PTPRT: variants seen among roughly 807,000 people sequenced by gnomAD.
PTPRT encodes protein tyrosine phosphatase receptor type T, also known as receptor-type tyrosine-protein phosphatase T.
Under a neutral mutation model 176.8 loss-of-function variants are expected in PTPRT, and 56 were observed. That is an observed-to-expected ratio of 0.32 (90% CI 0.26 to 0.40). PTPRT has a LOEUF of 0.40. Among genes scored for constraint, PTPRT ranks in the 10% least tolerant of loss-of-function variants. PTPRT has a pLI of 1.00. For synonymous variants in PTPRT, 783 were observed against 739.0 expected (o/e 1.06, Z -0.96); for missense variants, 1,540 against 1,908.2 (o/e 0.81, Z 3.60).
intron 27 of PTPRT, among the ~76,000 whole-genome samples, chr20:42,094,788 G>A (rs1985025196): frequency 6.6e-6 from 1 of 152,164 alleles, no homozygotes; most frequent in Non-Finnish European, 1.5e-5. Flanking sequence ...TACTTGGGAG[G>A]CTGAGGCAGG....
intron 15 of PTPRT, among the ~76,000 whole-genome samples, chr20:42,212,177 T>C (rs1163223786): frequency 7.2e-6 from 1 of 139,674 alleles, no homozygotes; most frequent in Non-Finnish European, 1.5e-5. Flanking sequence ...GGGATAGCAT[T>C]GGGAGATATA....
chr20:42,194,728 C>A (rs754042493), intron 16 of PTPRT, among the ~76,000 whole-genome samples: 1 of 152,156 alleles, frequency 6.6e-6, no homozygotes, highest in Admixed American at 6.5e-5. Flanking sequence ...AAACAATGCA[C>A]GTTGTTTGTC....
At chr20:42,055,657 G>C in the PTPRT span, among the ~76,000 whole-genome samples, 4 of 152,154 alleles carry the variant, frequency 2.6e-5, no homozygotes, top group Non-Finnish European at 5.9e-5. Flanking sequence ...TGTCTTCCCT[G>C]GGGAGATGGT....
chr20:42,931,726 C>T (rs1465093963), intron 1 of PTPRT, among the ~76,000 whole-genome samples: 1 of 152,192 alleles, frequency 6.6e-6, no homozygotes, highest in Non-Finnish European at 1.5e-5. Context: ...TGAGAGGACA[C>T]AGCGTAGGCG....
intron 6 of PTPRT, among the ~76,000 whole-genome samples, chr20:42,729,598 G>A (rs1444407141): frequency 1.3e-5 from 2 of 152,308 alleles, no homozygotes; most frequent in Non-Finnish European, 2.9e-5. Flanking sequence ...GAAAGGTGAG[G>A]CCATGGCTAT....
chr20:42,390,282 T>C (rs1041316672), intron 9 of PTPRT, among the ~76,000 whole-genome samples: 3 of 152,226 alleles, frequency 2.0e-5, no homozygotes, highest in Non-Finnish European at 4.4e-5. Flanking sequence ...ATTATGCTTA[T>C]GAAATTACAT....
chr20:42,036,478 T>C, the PTPRT span, among the ~76,000 whole-genome samples: 2 of 152,264 alleles, frequency 1.3e-5, no homozygotes, highest in East Asian at 3.9e-4. Context: ...TCCAGGCTGG[T>C]AAGTAGCAGA....
intron 3 of PTPRT, among the ~76,000 whole-genome samples, chr20:42,786,298 GCAGAAGGT>G (rs1219044173): frequency 1.3e-5 from 2 of 152,122 alleles, no homozygotes; most frequent in African/African-American, 2.4e-5. Flanking sequence ...AATTTCATCT[GCAGAAGGT>G]CCTATCATAC....
chr20:43,050,451 G>A lies in PTPRT; in HGVS notation c.88+139195C>T, dbSNP rs139160301. Among the ~76,000 whole-genome samples, 54 of 152,312 alleles carry A rather than the reference G, an allele frequency of 3.5e-4. No individual in the cohort carries two copies. In the East Asian group the frequency reaches 5.6e-3, roughly 16 times the overall value. Reference sequence around the variant, plus strand: ...AAGGCCACGGCCACCCAGGCAGGGCGTTCACAGGCCATCTACCACCAGCTC... The same window carrying A: ...AAGGCCACGGCCACCCAGGCAGGGCATTCACAGGCCATCTACCACCAGCTC... On this transcript the variant is annotated intron_variant, in intron 1 of 30. Coordinates refer to ENST00000373187, the MANE Select transcript of PTPRT (RefSeq NM_007050.6).
chr20:42,734,034 C>A (rs1238377553), intron 6 of PTPRT, among the ~76,000 whole-genome samples: 1 of 152,162 alleles, frequency 6.6e-6, no homozygotes, highest in Non-Finnish European at 1.5e-5. Flanking sequence ...ACCTAGGGGC[C>A]CTGAAACGCT....
intron 1 of PTPRT, among the ~76,000 whole-genome samples, chr20:43,141,941 C>T (rs968780192): frequency 1.2e-4 from 19 of 152,240 alleles, no homozygotes; most frequent in Middle Eastern, 3.4e-3. Context: ...GGTGAGCCTC[C>T]GAGCAGCTTT....
At chr20:43,108,723 G>A (rs904605347) in intron 1 of PTPRT, among the ~76,000 whole-genome samples, 1 of 152,198 alleles carries the variant, frequency 6.6e-6, no homozygotes, top group East Asian at 1.9e-4. Flanking sequence ...GGGATAGAGG[G>A]AGGATGTATT....
At chr20:42,492,089 T>A (rs1414152640) in intron 7 of PTPRT, among the ~76,000 whole-genome samples, 1 of 152,184 alleles carries the variant, frequency 6.6e-6, no homozygotes, top group African/African-American at 2.4e-5. Flanking sequence ...TATTCACTCA[T>A]TTAAGGACAT....
At chr20:43,054,529 G>C (rs1987160762) in intron 1 of PTPRT, among the ~76,000 whole-genome samples, 1 of 147,080 alleles carries the variant, frequency 6.8e-6, no homozygotes, top group African/African-American at 2.5e-5. Context: ...ACTTCAGTCT[G>C]TACAACAGAG....
chr20:42,522,524 G>A (rs6130154), intron 7 of PTPRT, among the ~76,000 whole-genome samples: 24,399 of 151,888 alleles, frequency 0.16, 1,999 homozygotes, highest in Middle Eastern at 0.19. Flanking sequence ...GCAGTGGTGC[G>A]AGTTCAGCTT....
chr20:42,441,605 G>A (rs79754749), intron 9 of PTPRT, among the ~76,000 whole-genome samples: 12 of 152,154 alleles, frequency 7.9e-5, no homozygotes, highest in African/African-American at 2.7e-4. Context: ...AGTGTGGAAG[G>A]GGGTGGGCAG....
rs150867313 is a variant in PTPRT at position 42,220,855 on chromosome 20, G to T, written c.2342+15374C>A. 5.4e-4 allele frequency among the ~76,000 whole-genome samples: 82 copies of T among 152,250 alleles called. No homozygotes were observed. In the East Asian group the frequency reaches 0.014, roughly 27 times the overall value. On this transcript the variant is annotated intron_variant, in intron 15 of 30. Transcript: ENST00000373187. ...AAAAACAATGAACGTGACCCCAACCGTATCCTCTCTTTAATCTTGGTCCTA... is the reference window on the plus strand; with the variant it reads ...AAAAACAATGAACGTGACCCCAACCTTATCCTCTCTTTAATCTTGGTCCTA...
intron 6 of PTPRT, among the ~76,000 whole-genome samples, chr20:42,681,777 C>T (rs1393134774): frequency 6.6e-6 from 1 of 152,088 alleles, no homozygotes; most frequent in African/African-American, 2.4e-5. Context: ...ATAGAGAGGC[C>T]CTGGGAGCCA....
chr20:42,612,908 G>T (rs534517450), intron 7 of PTPRT, among the ~76,000 whole-genome samples: 1 of 151,996 alleles, frequency 6.6e-6, no homozygotes, highest in African/African-American at 2.4e-5. Context: ...GTTAACTAAA[G>T]CAAGTTTCAA....
Sources: gnomAD v4.1 joint callset for allele counts (sites outside exome capture counted in the v4.1 genomes callset) on GRCh38, gnomAD v4.1.1 for gene constraint, MANE v1.5 for transcripts, NCBI Gene and HGNC (gene_info 2026-07-23, HGNC 2026-07-21) for gene names.